ARID5B: variants seen among roughly 807,000 people sequenced by gnomAD.
ARID5B encodes the protein AT-rich interaction domain 5B, also known as AT-rich interactive domain-containing protein 5B.
In ARID5B, 13 loss-of-function variants were observed where a neutral mutation model predicts 97.2. That is an observed-to-expected ratio of 0.13 (90% CI 0.09 to 0.21). ARID5B has a LOEUF of 0.21. ARID5B is among the 10% of genes least tolerant of loss of function. The pLI is 1.00. For synonymous variants in ARID5B, 556 were observed against 570.3 expected, an observed-to-expected ratio of 0.97 and a Z score of 0.36; for missense variants, 1,210 against 1,465.3, an observed-to-expected ratio of 0.83 and a Z score of 2.84.
chr10:62,020,162 A>T (rs184966781), intron 4 of ARID5B, among the ~76,000 whole-genome samples: 3 of 152,312 alleles, frequency 2.0e-5, no homozygotes, highest in Admixed American at 6.5e-5. Context: ...TTGAATTAAT[A>T]TGTCACTCCC....
chr10:62,068,392 T>C (rs1840020334), intron 7 of ARID5B, among the ~76,000 whole-genome samples: 1 of 152,182 alleles, frequency 6.6e-6, no homozygotes. Context: ...TTGGGCCTGT[T>C]GAGAAGGGTT....
intron 3 of ARID5B, among the ~76,000 whole-genome samples, chr10:61,976,230 GA>G (rs1838696673): frequency 6.6e-6 from 1 of 152,214 alleles, no homozygotes; most frequent in African/African-American, 2.4e-5. Flanking sequence ...ATATGACTGA[GA>G]AACTGAATTT....
chr10:62,029,555 C>A (rs1397188572), intron 4 of ARID5B, among the ~76,000 whole-genome samples: 1 of 152,158 alleles, frequency 6.6e-6, no homozygotes, highest in Admixed American at 6.5e-5. Flanking sequence ...TTATTATGTG[C>A]CAGGCACTGA....
intron 4 of ARID5B, among the ~76,000 whole-genome samples, chr10:62,021,228 G>GT (rs1382319396): frequency 1.3e-5 from 2 of 151,866 alleles, no homozygotes; most frequent in African/African-American, 2.4e-5. Flanking sequence ...ATCGAAAATT[G>GT]TTTTTAGCTG....
At chr10:62,074,821 T>C (rs1347913670) in intron 8 of ARID5B, among the ~76,000 whole-genome samples, 1 of 152,258 alleles carries the variant, frequency 6.6e-6, no homozygotes, top group African/African-American at 2.4e-5. Context: ...TGAACTGTTT[T>C]CTACTAGCCC....
chr10:62,092,651 G>T lies in ARID5B; in HGVS notation c.3188G>T (p.Gly1063Val), dbSNP rs566214006. ...AAAGCAGCGCACGGTGGGCATTCCG[G>T]GGGCGGATCAGAAGGCCACAAGCTT... ...GSKAAHGGHS[G>V]GGSEGHKLPL... Residue 1063 changes from glycine (G) to valine (V), a missense_variant, in exon 10 of 10, where the codon GGG becomes GTG. By Grantham distance (109) the Gly-to-Val change is moderately radical. Around this residue, in one of 8 missense-constraint regions of ARID5B, gnomAD observed 800 missense variants for 839.1 expected, o/e 0.95. Transcript: ENST00000279873. 3 of 1,614,038 alleles carry T rather than the reference G, an allele frequency of 1.9e-6. No individual in the cohort carries two copies. Among genetic ancestry groups the T allele is most frequent in the Non-Finnish European group, 2.5e-6 (3 of 1,179,978 alleles).
intron 2 of ARID5B, among the ~76,000 whole-genome samples, chr10:61,908,161 C>T (rs914080038): frequency 1.3e-4 from 19 of 152,000 alleles, no homozygotes; most frequent in East Asian, 1.9e-4. Context: ...TGGTTAAGAG[C>T]GAAACTTTAG....
At chr10:62,036,545 T>C (rs1839566691) in intron 4 of ARID5B, among the ~76,000 whole-genome samples, 1 of 152,218 alleles carries the variant, frequency 6.6e-6, no homozygotes, top group Non-Finnish European at 1.5e-5. Flanking sequence ...GGACCTGCGC[T>C]TCATGCACTC....
At chr10:61,934,825 C>T (rs1049453625) in intron 2 of ARID5B, among the ~76,000 whole-genome samples, 1 of 151,860 alleles carries the variant, frequency 6.6e-6, no homozygotes, top group Non-Finnish European at 1.5e-5. Flanking sequence ...CCAGCCTGAC[C>T]AACATGGTGA....
chr10:62,030,151 A>G (rs1009846168), intron 4 of ARID5B, among the ~76,000 whole-genome samples: 10 of 151,608 alleles, frequency 6.6e-5, no homozygotes, highest in African/African-American at 2.4e-4. Flanking sequence ...TTTTTGAGAC[A>G]GAATTTCACT....
In ARID5B at chr10:62,091,879, A is replaced by G; in HGVS notation, c.2416A>G (p.Ile806Val). 2 of 1,614,088 alleles carry G rather than the reference A, an allele frequency of 1.2e-6. No homozygotes were observed. The highest frequency in any genetic ancestry group is 1.7e-6 in the Non-Finnish European group (2 of 1,180,016). The part of the protein sequence containing the change: ...LADSYVLKQE[I>V]QEGKDKLLEK... ...TGACTCCTACGTCCTGAAGCAAGAAATTCAGGAGGGCAAGGATAAACTCTT... is the reference window on the plus strand; with the variant it reads ...TGACTCCTACGTCCTGAAGCAAGAAGTTCAGGAGGGCAAGGATAAACTCTT... The change falls in exon 10 of 10, where the codon ATT (isoleucine) becomes GTT (valine). Residue 806 changes from isoleucine (I) to valine (V), a missense_variant. Ile to Val is a conservative substitution (Grantham distance 29). Transcript: ENST00000279873.
chr10:62,047,499 T>C (rs1329666592), intron 4 of ARID5B, among the ~76,000 whole-genome samples: 1 of 152,150 alleles, frequency 6.6e-6, no homozygotes, highest in Non-Finnish European at 1.5e-5. Context: ...AGGGTACTGC[T>C]CTCTCCCTAG....
intron 8 of ARID5B, among the ~76,000 whole-genome samples, chr10:62,072,417 G>C (rs1840077301): frequency 1.3e-5 from 2 of 152,242 alleles, no homozygotes; most frequent in Non-Finnish European, 2.9e-5. Context: ...GTAACAGGAA[G>C]ATAGCTGACA....
chr10:62,060,873 A>G (rs912297672), intron 7 of ARID5B, among the ~76,000 whole-genome samples: 3 of 152,212 alleles, frequency 2.0e-5, no homozygotes, highest in Non-Finnish European at 4.4e-5. Context: ...AATTTCACAG[A>G]ATCAGTTTTT....
chr10:62,087,303 A>AAAAAAAAAAAAAAAAAAAAAAG (rs1840302586), intron 9 of ARID5B, among the ~76,000 whole-genome samples: 2 of 149,322 alleles, frequency 1.3e-5, no homozygotes, highest in Admixed American at 6.7e-5. Context: ...TATCTCAAAA[A>AAAAAAAAAAAAAAAAAAAAAAG]AAAAAAAAAA....
chr10:61,938,524 C>T (rs1050595453), intron 2 of ARID5B, among the ~76,000 whole-genome samples: 5 of 152,142 alleles, frequency 3.3e-5, no homozygotes, highest in African/African-American at 1.2e-4. Flanking sequence ...ATTTAATAAT[C>T]ACCATGAAAT....
intron 3 of ARID5B, among the ~76,000 whole-genome samples, chr10:61,956,353 G>T (rs1370320038): frequency 6.6e-6 from 1 of 152,180 alleles, no homozygotes; most frequent in Non-Finnish European, 1.5e-5. Context: ...GTTTCATCCT[G>T]AAACCATCCC....
At chr10:61,945,647 TAAA>T (rs1844487357) in intron 3 of ARID5B, among the ~76,000 whole-genome samples, 1 of 152,206 alleles carries the variant, frequency 6.6e-6, no homozygotes. Flanking sequence ...TTGTTTTGTC[TAAA>T]ATGGGCAATA....
chr10:62,008,353 T>C (rs751820200), intron 4 of ARID5B, among the ~76,000 whole-genome samples: 3 of 152,216 alleles, frequency 2.0e-5, no homozygotes, highest in African/African-American at 4.8e-5. Flanking sequence ...CCGTGCTCTT[T>C]GCACCTTTAC....
Sources: allele counts gnomAD v4.1 joint callset (sites outside exome capture counted in the v4.1 genomes callset), GRCh38; gene constraint gnomAD v4.1.1; regional missense constraint gnomAD v4.1.1; transcripts MANE v1.5; gene names NCBI Gene and HGNC (gene_info 2026-07-23, HGNC 2026-07-21).